Variants in NBEA observed in about 807,000 individuals in gnomAD.
The protein encoded by NBEA is lysosomal-trafficking regulator 2.
In NBEA, 44 loss-of-function variants were observed where a neutral mutation model predicts 343.4. The observed-to-expected ratio is 0.13, with a 90% CI of 0.10 to 0.16. The LOEUF (loss-of-function observed/expected upper bound fraction) is 0.16, where lower values mean the gene tolerates loss of function less well. NBEA is among the 10% of genes least tolerant of loss of function. The probability of loss-of-function intolerance (pLI) is 1.00; values close to 1 mark genes in which losing one functional copy is unlikely to be tolerated. For missense variants in NBEA, 2,555 were observed against 3,631.3 expected, an observed-to-expected ratio of 0.70 and a Z score of 7.62; for synonymous variants, 1,175 against 1,238.7, an observed-to-expected ratio of 0.95 and a Z score of 1.08.
chr13:35,354,198 C>A (rs142355700), intron 38 of NBEA, among the ~76,000 whole-genome samples: 1 of 152,168 alleles, frequency 6.6e-6, no homozygotes, highest in Non-Finnish European at 1.5e-5. Flanking sequence ...TAAAATTTAA[C>A]CATGAAACAC....
intron 38 of NBEA, among the ~76,000 whole-genome samples, chr13:35,355,377 A>C (rs2040434375): frequency 1.3e-5 from 2 of 152,130 alleles, no homozygotes; most frequent in South Asian, 2.1e-4. Context: ...CAGCTGTACT[A>C]TGCCAGACTG....
At chr13:35,278,978 T>C (rs142369373) in intron 34 of NBEA, among the ~76,000 whole-genome samples, 202 of 152,266 alleles carry the variant, frequency 1.3e-3, no homozygotes, top group African/African-American at 4.8e-3. Context: ...AAATATTGCC[T>C]TTCTTTCTGT....
At chr13:35,345,018 A>C (rs370665637) in intron 36 of NBEA, among the ~76,000 whole-genome samples, 39 of 152,218 alleles carry the variant, frequency 2.6e-4, no homozygotes, top group African/African-American at 9.4e-4. Flanking sequence ...TGTGTATAAA[A>C]AGATAACATG....
chr13:34,985,617 C>T (rs2060516470), intron 1 of NBEA, among the ~76,000 whole-genome samples: 1 of 150,888 alleles, frequency 6.6e-6, no homozygotes, highest in Non-Finnish European at 1.5e-5. Flanking sequence ...AGGAGTGCTA[C>T]CAGCTCCTTT....
At chr13:35,325,910 G>A (rs1292458066) in intron 36 of NBEA, among the ~76,000 whole-genome samples, 3 of 151,980 alleles carry the variant, frequency 2.0e-5, no homozygotes, top group African/African-American at 7.2e-5. Flanking sequence ...TATTGAATAA[G>A]GAGTCCTTTC....
chr13:35,549,889 A>G (rs1326982261), intron 41 of NBEA, among the ~76,000 whole-genome samples: 1 of 152,208 alleles, frequency 6.6e-6, no homozygotes, highest in Non-Finnish European at 1.5e-5. Context: ...ACTTGTTGTA[A>G]ATAAAATTTT....
chr13:35,182,576 C>CT (rs1163587415), intron 29 of NBEA, 48 bp downstream of exon 29: 3 of 1,513,674 alleles, frequency 2.0e-6, no homozygotes, highest in South Asian at 1.2e-5. Context: ...GATGTATCTC[C>CT]TTTTTTTCAC....
At chr13:35,636,465 C>CT (rs1438506966) in intron 49 of NBEA, among the ~76,000 whole-genome samples, 1 of 152,166 alleles carries the variant, frequency 6.6e-6, no homozygotes, top group East Asian at 1.9e-4. Flanking sequence ...ATACCAGCAC[C>CT]TGGTAAACCT....
At chr13:34,979,606 G>A (rs2060290949) in intron 1 of NBEA, among the ~76,000 whole-genome samples, 1 of 151,932 alleles carries the variant, frequency 6.6e-6, no homozygotes, top group African/African-American at 2.4e-5. Context: ...AAATGTAAGA[G>A]TTCATTATCC....
At chr13:35,622,642 C>T (rs2083044808) in intron 48 of NBEA, among the ~76,000 whole-genome samples, 1 of 152,086 alleles carries the variant, frequency 6.6e-6, no homozygotes, top group Non-Finnish European at 1.5e-5. Flanking sequence ...AAGAAGATGG[C>T]ATAGACACTA....
chr13:35,049,648 A>G (rs1218094606), intron 5 of NBEA, among the ~76,000 whole-genome samples: 2 of 151,878 alleles, frequency 1.3e-5, no homozygotes, highest in Non-Finnish European at 2.9e-5. Flanking sequence ...TTGGGAGATC[A>G]TACATTAATT....
In NBEA at chr13:35,545,975, G is replaced by T. The variant is rs563714779; in HGVS notation, c.6586-4502G>T. Among the ~76,000 whole-genome samples the T allele has an allele frequency of 9.8e-4, 149 of 152,270 alleles. 1 individual carries two copies. Among genetic ancestry groups the T allele is most frequent in the African/African-American group, 3.4e-3 (142 of 41,560 alleles). ...TCTGGTTTAGCAAAGGAGTCAAAAT[G>T]CACATACTCTGTACAATTTCTTTAG... On this transcript the variant is annotated intron_variant, in intron 41 of 58. Coordinates refer to ENST00000379939, the MANE Select transcript of NBEA (RefSeq NM_001385012.1).
intron 1 of NBEA, among the ~76,000 whole-genome samples, chr13:34,943,526 G>T (rs2059097434): frequency 6.6e-6 from 1 of 152,104 alleles, no homozygotes; most frequent in South Asian, 2.1e-4. Context: ...CCTTGCCCCT[G>T]GAGCCTAAAT....
At chr13:35,522,666 G>A (rs1172236923) in intron 41 of NBEA, among the ~76,000 whole-genome samples, 1 of 151,864 alleles carries the variant, frequency 6.6e-6, no homozygotes, top group Non-Finnish European at 1.5e-5. Flanking sequence ...TGAGCAGCAG[G>A]CAAGGAAGCA....
chr13:35,358,502 G>C (rs1393294819), intron 38 of NBEA, among the ~76,000 whole-genome samples: 1 of 151,740 alleles, frequency 6.6e-6, no homozygotes, highest in Non-Finnish European at 1.5e-5. Context: ...AGATTACTTT[G>C]AGGTTAGGAG....
chr13:35,239,216 C>G (rs1470622472), intron 34 of NBEA, among the ~76,000 whole-genome samples: 1 of 151,948 alleles, frequency 6.6e-6, no homozygotes, highest in Non-Finnish European at 1.5e-5. Context: ...TACAACAAAA[C>G]TAGGTGACAG....
intron 36 of NBEA, 46 bp from the exon 37 acceptor site, chr13:35,349,062 C>T: frequency 9.1e-7 from 1 of 1,102,804 alleles, no homozygotes; most frequent in South Asian, 2.3e-5. Flanking sequence ...ATTGGACTGA[C>T]CAAAGCTATT....
chr13:35,165,081 C>T (rs779873647), intron 24 of NBEA: 2 of 533,866 alleles, frequency 3.7e-6, no homozygotes, highest in Non-Finnish European at 7.7e-6. Context: ...ATTTTGCTTC[C>T]CATATTACCC....
chr13:35,283,469 A>G (rs945647347), intron 34 of NBEA, among the ~76,000 whole-genome samples: 1 of 152,164 alleles, frequency 6.6e-6, no homozygotes, highest in Non-Finnish European at 1.5e-5. Context: ...GGAAATGTGT[A>G]ATATCAAATT....
Sources: gnomAD v4.1 joint callset for allele counts (sites outside exome capture counted in the v4.1 genomes callset) on GRCh38, gnomAD v4.1.1 for gene constraint, MANE v1.5 for transcripts, NCBI Gene and HGNC (gene_info 2026-07-23, HGNC 2026-07-21) for gene names.